FAM83A: variants seen among roughly 807,000 people sequenced by gnomAD.
FAM83A encodes the protein scaffolding CK1 anchoring protein A, also known as protein FAM83A.
In FAM83A, 21 loss-of-function variants were observed where a neutral mutation model predicts 24.4. That is an observed-to-expected ratio of 0.86 (90% CI 0.61 to 1.24). The LOEUF is 1.24. Among genes scored for constraint, FAM83A ranks in the 50% most tolerant of loss-of-function variants. The pLI, the probability that FAM83A is intolerant of heterozygous loss-of-function variation, is 0.00. For synonymous variants in FAM83A, 270 were observed against 252.4 expected (o/e 1.07, Z -0.66); for missense variants, 617 against 579.8 (o/e 1.06, Z -0.66).
chr8:123,182,519 C>T (rs536891385), upstream of FAM83A: 13 of 513,070 alleles, frequency 2.5e-5, no homozygotes, highest in East Asian at 5.1e-4. Context: ...GCAGGAAAGC[C>T]GGCTCACCTT....
intron 3 of FAM83A, among the ~76,000 whole-genome samples, chr8:123,198,495 A>G (rs749511903): frequency 3.3e-5 from 5 of 152,242 alleles, no homozygotes; most frequent in Non-Finnish European, 5.9e-5. Flanking sequence ...GGAGATCAGA[A>G]CTGCGCTAGG....
At chr8:123,196,209 G>T (rs548957049) in intron 3 of FAM83A, among the ~76,000 whole-genome samples, 1 of 152,224 alleles carries the variant, frequency 6.6e-6, no homozygotes, top group African/African-American at 2.4e-5. Context: ...ATGGGGTTTT[G>T]CCATGATGGC....
At chr8:123,206,528 C>T (rs1485484194) in intron 3 of FAM83A, among the ~76,000 whole-genome samples, 1 of 152,168 alleles carries the variant, frequency 6.6e-6, no homozygotes, top group African/African-American at 2.4e-5. Flanking sequence ...CAGGTGGAGA[C>T]GAGAAGGCCC....
intron 3 of FAM83A, among the ~76,000 whole-genome samples, chr8:123,199,157 G>A (rs1824262572): frequency 6.6e-6 from 1 of 152,152 alleles, no homozygotes; most frequent in Non-Finnish European, 1.5e-5. Context: ...GTAAAATTAA[G>A]TAAAACAGCA....
At chr8:123,202,288 T>A (rs1433449202) in intron 3 of FAM83A, 1 of 152,880 alleles carries the variant, frequency 6.5e-6, no homozygotes, top group Non-Finnish European at 1.5e-5. Flanking sequence ...TCTTTCATGC[T>A]CTTTCGAGTC....
In FAM83A at chr8:123,207,510, G is replaced by T. The variant is rs1391941267; in HGVS notation, c.1127G>T (p.Trp376Leu). The T allele has an allele frequency of 4.4e-6, 7 of 1,575,042 alleles. No homozygotes were observed. The South Asian group carries it at 8.0e-5, about 18-fold the overall frequency. Residue 376 changes from tryptophan (W) to leucine (L), a missense_variant, in exon 4 of 4, where the codon TGG (tryptophan) becomes TTG (leucine). Coordinates refer to ENST00000690554, the Ensembl canonical transcript of FAM83A. ...CGGTTCCAGCCCCACCAAGGCCCTT[G>T]GGGAGCCCCGAGTCCCCAGGCCCAC...
At chr8:123,193,135 C>T (rs577060889) in intron 2 of FAM83A, among the ~76,000 whole-genome samples, 3 of 152,340 alleles carry the variant, frequency 2.0e-5, no homozygotes, top group Non-Finnish European at 2.9e-5. Context: ...AGCTGTACGG[C>T]GGGAGCAGCA....
intron 3 of FAM83A, 39 bp from the exon 4 acceptor site, chr8:123,207,118 C>T: frequency 1.4e-6 from 2 of 1,388,530 alleles, no homozygotes; most frequent in South Asian, 1.6e-5. Context: ...CCATCCTTCC[C>T]CCTTCTCCTC....
exon 1 of FAM83A, chr8:123,182,706 T>G (rs1416062396): frequency 8.7e-7 from 1 of 1,146,948 alleles, no homozygotes. Context: ...GGTAAATCAC[T>G]TCTTGGAGGT....
intron 3 of FAM83A, among the ~76,000 whole-genome samples, chr8:123,200,957 CAAAAA>C (rs11322028): frequency 2.4e-5 from 3 of 127,306 alleles, no homozygotes; most frequent in South Asian, 4.7e-4. Context: ...AACAAATAAA[CAAAAA>C]AAAAAAATAT....
chr8:123,206,303 TA>T (rs1474894937), intron 3 of FAM83A, among the ~76,000 whole-genome samples: 1 of 152,140 alleles, frequency 6.6e-6, no homozygotes, highest in Non-Finnish European at 1.5e-5. Flanking sequence ...GCTTCCTCCA[TA>T]AACCACTCCT....
chr8:123,206,999 CCCT>C (rs1169715195), intron 3 of FAM83A, among the ~76,000 whole-genome samples, 155 bp from the exon 4 acceptor site: 2 of 131,054 alleles, frequency 1.5e-5, no homozygotes, highest in Non-Finnish European at 3.3e-5. Context: ...CTTCCCCCTC[CCCT>C]CCTCCTCTTC....
At chr8:123,184,893 C>T (rs1823740288) in intron 1 of FAM83A, among the ~76,000 whole-genome samples, 1 of 152,126 alleles carries the variant, frequency 6.6e-6, no homozygotes, top group African/African-American at 2.4e-5. Flanking sequence ...TGCTAGGGTC[C>T]CAGTCTCATA....
chr8:123,189,522 T>TCTC (rs1823905890), intron 1 of FAM83A, among the ~76,000 whole-genome samples: 1 of 152,180 alleles, frequency 6.6e-6, no homozygotes, highest in South Asian at 2.1e-4. Flanking sequence ...TAAGGAAAAC[T>TCTC]CAAGCTGGAA....
chr8:123,181,178 C>A (rs1349059700), upstream of FAM83A, among the ~76,000 whole-genome samples: 2 of 152,204 alleles, frequency 1.3e-5, no homozygotes, highest in East Asian at 3.8e-4. Context: ...AACTCCTGAC[C>A]TCAAGTGATC....
chr8:123,205,553 C>G (rs1296391562), intron 3 of FAM83A, among the ~76,000 whole-genome samples: 2 of 152,242 alleles, frequency 1.3e-5, no homozygotes, highest in Non-Finnish European at 2.9e-5. Flanking sequence ...CAGGGAACTC[C>G]CAACCCTGGG....
At position 123,207,761 on chromosome 8, in the gene FAM83A, G is replaced by T; in HGVS notation, c.*73G>T. 2.1e-6 allele frequency: 3 copies of T among 1,411,254 alleles called. No individual in the cohort carries two copies. In the South Asian group the frequency reaches 4.7e-5, roughly 22 times the overall value. 87.4% of individuals were successfully genotyped at this position (1,411,254 alleles called of 1,614,324 possible). On this transcript the variant is annotated 3_prime_UTR_variant, in exon 4 of 4. Transcript: ENST00000690554. ...CTGAGACCCAAAGACCCACCTCAAC[G>T]ACGAGTGGCGTTGAGCCACTTCCCT...
At chr8:123,205,400 G>GGGGCTGGCGCTT (rs1372281075) in intron 3 of FAM83A, among the ~76,000 whole-genome samples, 1 of 152,232 alleles carries the variant, frequency 6.6e-6, no homozygotes, top group Non-Finnish European at 1.5e-5. Context: ...GTCCCGTGGC[G>GGGGCTGGCGCTT]GGGCTGGCGC....
intron 3 of FAM83A, among the ~76,000 whole-genome samples, chr8:123,206,276 CG>C (rs1824549845): frequency 6.6e-6 from 1 of 152,302 alleles, no homozygotes; most frequent in Admixed American, 6.5e-5. Context: ...CCGACAGCCT[CG>C]GCCCCGTGTC....
Sources: allele counts gnomAD v4.1 joint callset (sites outside exome capture counted in the v4.1 genomes callset), GRCh38; gene constraint gnomAD v4.1.1; transcripts MANE v1.5; gene names NCBI Gene and HGNC (gene_info 2026-07-23, HGNC 2026-07-21).